HIPK2: variants seen among roughly 807,000 people sequenced by gnomAD.
The protein encoded by HIPK2 is homeodomain-interacting protein kinase 2.
In HIPK2, 27 loss-of-function variants were observed where a neutral mutation model predicts 113.7. The observed-to-expected ratio is 0.24, with a 90% CI of 0.17 to 0.33. The LOEUF (loss-of-function observed/expected upper bound fraction) is 0.33. Among genes scored for constraint, HIPK2 ranks in the 10% least tolerant of loss-of-function variants. The probability of loss-of-function intolerance (pLI) is 1.00; values close to 1 mark genes in which losing one functional copy is unlikely to be tolerated. For missense variants in HIPK2, 1,257 were observed against 1,588.0 expected, an observed-to-expected ratio of 0.79 and a Z score of 3.54; for synonymous variants, 631 against 642.2, an observed-to-expected ratio of 0.98 and a Z score of 0.26.
rs76250734 is a variant in HIPK2, at chr7:139,583,463, G to C, written c.2965+354C>G. On this transcript the variant is annotated intron_variant, in intron 13 of 14. Transcript: ENST00000406875. ...CTGACCACCAGGGCTTCCTGGCAGA[G>C]AGTGGTGCTAGATGTCAGCCAGGAA... 1,910 of 191,328 alleles carry C rather than the reference G, an allele frequency of 1.0e-2. 46 individuals carry two copies. The highest frequency in any genetic ancestry group is 0.042 in the African/African-American group (1,794 of 42,516). The allele number at this position is 191,328 out of a possible 1,614,324, so 11.9% of individuals were successfully genotyped here.
intron 4 of HIPK2, among the ~76,000 whole-genome samples, chr7:139,629,367 T>C (rs924177757): frequency 7.2e-5 from 11 of 152,246 alleles, no homozygotes; most frequent in African/African-American, 2.4e-4. Flanking sequence ...CAAGATTCCA[T>C]TGTGGAAAAG....
At chr7:139,585,963 C>T (rs1294835768) in intron 12 of HIPK2, among the ~76,000 whole-genome samples, 1 of 152,142 alleles carries the variant, frequency 6.6e-6, no homozygotes, top group Non-Finnish European at 1.5e-5. Context: ...ATATGTGTCT[C>T]TGCCCTCGAG....
intron 2 of HIPK2, among the ~76,000 whole-genome samples, chr7:139,665,308 G>C (rs1802012106): frequency 6.6e-6 from 1 of 152,110 alleles, no homozygotes; most frequent in Non-Finnish European, 1.5e-5. Context: ...CAAAGTGCTG[G>C]GATTACAGGT....
intron 2 of HIPK2, among the ~76,000 whole-genome samples, chr7:139,634,852 A>G (rs1470255980): frequency 6.6e-6 from 1 of 151,452 alleles, no homozygotes; most frequent in Non-Finnish European, 1.5e-5. Context: ...TAATTTTTGT[A>G]TTTTTAGCAG....
At chr7:139,666,137 C>T (rs1325570433) in intron 2 of HIPK2, among the ~76,000 whole-genome samples, 6 of 152,012 alleles carry the variant, frequency 3.9e-5, no homozygotes, top group Non-Finnish European at 7.4e-5. Context: ...TAGCCTGTTT[C>T]GGGAGACTGC....
rs1175651662 is a variant in HIPK2, at chr7:139,683,721, TA to T, written c.1103+32210del. Reference sequence around the variant, plus strand: ...ACCATTGGCAGGCAATGGCATGTCATACAGCTTCATGAGGGTTGGCTATGTC... The same window carrying T: ...ACCATTGGCAGGCAATGGCATGTCATCAGCTTCATGAGGGTTGGCTATGTC... On this transcript the variant is annotated intron_variant, in intron 2 of 14. Coordinates refer to ENST00000406875, the MANE Select transcript of HIPK2 (RefSeq NM_022740.5). The surrounding 1 kb of genome is among the most constrained non-coding windows in gnomAD (Gnocchi z 4.2). Among the ~76,000 whole-genome samples, 11 of 152,310 alleles carry T rather than the reference TA, an allele frequency of 7.2e-5. No individual in the cohort carries two copies. The East Asian group carries it at 1.9e-3, about 27-fold the overall frequency.
intron 13 of HIPK2, among the ~76,000 whole-genome samples, chr7:139,578,134 C>T (rs995994380): frequency 4.6e-5 from 7 of 152,276 alleles, no homozygotes; most frequent in East Asian, 1.9e-4. Flanking sequence ...CTCAGCCTCC[C>T]GAGTAGCTGG....
chr7:139,748,244 A>G (rs1443150153), intron 1 of HIPK2, among the ~76,000 whole-genome samples: 2 of 152,100 alleles, frequency 1.3e-5, no homozygotes, highest in African/African-American at 4.8e-5. Context: ...CCCTACATCC[A>G]GACTCCCACG....
At chr7:139,712,105 TGACAGTTA>T (rs1283168623) in intron 2 of HIPK2, among the ~76,000 whole-genome samples, 2 of 152,202 alleles carry the variant, frequency 1.3e-5, no homozygotes, top group East Asian at 3.8e-4. Context: ...CCTGGGCAGC[TGACAGTTA>T]ATGACATAAC....
At chr7:139,719,425 G>C (rs183868311) in intron 1 of HIPK2, among the ~76,000 whole-genome samples, 1 of 151,980 alleles carries the variant, frequency 6.6e-6, no homozygotes, top group Admixed American at 6.6e-5. Flanking sequence ...TTCAAATGTT[G>C]GCATTTCCAC....
intron 1 of HIPK2, among the ~76,000 whole-genome samples, chr7:139,727,763 G>C (rs1355667872): frequency 6.6e-6 from 1 of 152,180 alleles, no homozygotes; most frequent in Admixed American, 6.5e-5. Flanking sequence ...AGGACATGGT[G>C]TCAAGAGCTC....
At chr7:139,644,976 T>C (rs1435327354) in intron 2 of HIPK2, among the ~76,000 whole-genome samples, 1 of 152,168 alleles carries the variant, frequency 6.6e-6, no homozygotes, top group Non-Finnish European at 1.5e-5. Flanking sequence ...TATGTGCAAC[T>C]TTACTGATTT....
intron 2 of HIPK2, among the ~76,000 whole-genome samples, chr7:139,640,612 T>C (rs1203604820): frequency 2.0e-5 from 3 of 152,160 alleles, no homozygotes; most frequent in African/African-American, 7.2e-5. Context: ...TCTAAGTCCA[T>C]GTGAAAGCAA....
chr7:139,572,922 AGT>A lies in HIPK2; in HGVS notation c.*3_*4del. On this transcript the variant is annotated 3_prime_UTR_variant, in exon 15 of 15. Coordinates refer to ENST00000406875, the MANE Select transcript of HIPK2 (RefSeq NM_022740.5). ...CTCCCTCCCTCCCTCCCTCCCCTCCAGTGTTTATATGTAAGGGTACTGGTTGA... is the reference window on the plus strand; with the variant it reads ...CTCCCTCCCTCCCTCCCTCCCCTCCAGTTTATATGTAAGGGTACTGGTTGA... 6.3e-6 allele frequency: 1 copy of A among 158,042 alleles called. No homozygotes were observed. The highest frequency in any genetic ancestry group is 1.2e-5 in the Non-Finnish European group (1 of 81,292). The allele number at this position is 158,042 out of a possible 1,614,324, so 9.8% of individuals were successfully genotyped here. A position where few individuals can be genotyped will look rare whatever the true frequency, so the allele number is the denominator to read the frequency against.
chr7:139,585,037 TTTA>T (rs1274140028), intron 12 of HIPK2, among the ~76,000 whole-genome samples: 1 of 152,060 alleles, frequency 6.6e-6, no homozygotes, highest in Non-Finnish European at 1.5e-5. Flanking sequence ...GGATGTGAAA[TTTA>T]TTGTTTATTG....
At chr7:139,610,984 G>A (rs1236360469) in intron 9 of HIPK2, among the ~76,000 whole-genome samples, 3 of 152,202 alleles carry the variant, frequency 2.0e-5, no homozygotes, top group African/African-American at 2.4e-5. Context: ...TCAATTCGTT[G>A]CAAGATCCAA....
At chr7:139,726,190 T>C (rs1478425236) in intron 1 of HIPK2, among the ~76,000 whole-genome samples, 2 of 152,086 alleles carry the variant, frequency 1.3e-5, no homozygotes, top group East Asian at 1.9e-4. Flanking sequence ...ATCTGATGCA[T>C]AGGGGGTCAG....
intron 1 of HIPK2, among the ~76,000 whole-genome samples, chr7:139,739,464 G>A (rs1156309298): frequency 6.6e-6 from 1 of 152,016 alleles, no homozygotes; most frequent in Non-Finnish European, 1.5e-5. Context: ...GCACATGCCT[G>A]TAATCCCAGC....
intron 1 of HIPK2, among the ~76,000 whole-genome samples, chr7:139,742,127 C>T (rs1313397836): frequency 6.6e-6 from 1 of 152,156 alleles, no homozygotes; most frequent in African/African-American, 2.4e-5. Flanking sequence ...AGTCATAAAC[C>T]CTTACTCAGC....
Sources: gnomAD v4.1 joint callset for allele counts (sites outside exome capture counted in the v4.1 genomes callset) on GRCh38, gnomAD v4.1.1 for gene constraint, Gnocchi (gnomAD v3.1) non-coding constraint, MANE v1.5 for transcripts, NCBI Gene and HGNC (gene_info 2026-07-23, HGNC 2026-07-21) for gene names.